Variants in XRCC4 observed in about 807,000 individuals in gnomAD.
The protein encoded by XRCC4 is DNA repair protein XRCC4.
A neutral mutation model predicts 39.1 loss-of-function variants in XRCC4; 28 were observed. The observed-to-expected ratio is 0.72, with a 90% CI of 0.53 to 0.98. The LOEUF (loss-of-function observed/expected upper bound fraction) is 0.98. Ranked by LOEUF, XRCC4 falls within the 50% of genes least tolerant of loss-of-function variation. The pLI, the probability that XRCC4 is intolerant of heterozygous loss-of-function variation, is 0.00. For missense variants in XRCC4, 350 were observed against 376.4 expected (o/e 0.93, Z 0.58); for synonymous variants, 123 against 126.4 (o/e 0.97, Z 0.18).
chr5:83,308,073 T>C (rs1297446346), intron 7 of XRCC4, among the ~76,000 whole-genome samples: 1 of 152,196 alleles, frequency 6.6e-6, no homozygotes, highest in African/African-American at 2.4e-5. Flanking sequence ...AAAAAGTTGT[T>C]AAATGAGAGA....
intron 6 of XRCC4, 104 bp downstream of exon 6, chr5:83,205,025 C>T: frequency 1.4e-6 from 1 of 736,816 alleles, no homozygotes; most frequent in Admixed American, 2.9e-5. Flanking sequence ...AGACCTTATT[C>T]TATGAAAATT....
chr5:83,113,687 C>T (rs1746559430), intron 3 of XRCC4, among the ~76,000 whole-genome samples: 7 of 151,392 alleles, frequency 4.6e-5, no homozygotes, highest in South Asian at 4.2e-4. Flanking sequence ...ATGGCGTGAT[C>T]TCCATCTCCA....
intron 1 of XRCC4, among the ~76,000 whole-genome samples, chr5:83,079,664 C>G (rs1561310052): frequency 6.6e-6 from 1 of 152,056 alleles, no homozygotes; most frequent in Non-Finnish European, 1.5e-5. Context: ...TCCCCAGTAA[C>G]CGGGACCATG....
At chr5:83,142,175 A>C (rs1434207154) in intron 3 of XRCC4, among the ~76,000 whole-genome samples, 1 of 152,128 alleles carries the variant, frequency 6.6e-6, no homozygotes, top group Non-Finnish European at 1.5e-5. Context: ...TTCTGTGCTT[A>C]ATAATGAAAG....
chr5:83,276,382 G>T (rs28473158), intron 7 of XRCC4, among the ~76,000 whole-genome samples: 4 of 149,444 alleles, frequency 2.7e-5, no homozygotes, highest in African/African-American at 9.7e-5. Flanking sequence ...ATTGAGAGGT[G>T]AGACCTTTAA....
chr5:83,169,409 T>C (rs28360095), intron 3 of XRCC4, among the ~76,000 whole-genome samples: 3,991 of 152,318 alleles, frequency 0.026, 79 homozygotes, highest in Admixed American at 0.041. Context: ...TCTTTTAGTA[T>C]TTGATTTAGG....
intron 3 of XRCC4, among the ~76,000 whole-genome samples, chr5:83,169,474 G>A (rs751522388): frequency 7.9e-5 from 12 of 152,122 alleles, no homozygotes; most frequent in Non-Finnish European, 1.0e-4. Context: ...AGAGAAGAAA[G>A]TTGACCTGAA....
intron 6 of XRCC4, among the ~76,000 whole-genome samples, chr5:83,232,245 G>A (rs1397926868): frequency 2.0e-5 from 3 of 151,924 alleles, no homozygotes; most frequent in South Asian, 2.1e-4. Flanking sequence ...CTAATAAATC[G>A]TGTAAAGTTC....
intron 3 of XRCC4, among the ~76,000 whole-genome samples, chr5:83,116,018 TC>T (rs1205957713): frequency 8.5e-5 from 13 of 152,176 alleles, no homozygotes; most frequent in Admixed American, 8.5e-4. Context: ...ATGGGAGTCT[TC>T]CAGTATTCAG....
At chr5:83,106,011 T>C (rs572857780) in intron 2 of XRCC4, among the ~76,000 whole-genome samples, 4 of 152,180 alleles carry the variant, frequency 2.6e-5, no homozygotes, top group East Asian at 1.9e-4. Context: ...AAAAAAATTG[T>C]CTTTTTTGAC....
intron 7 of XRCC4, chr5:83,280,190 G>A (rs1030812447): frequency 1.1e-5 from 3 of 269,840 alleles, no homozygotes; most frequent in Non-Finnish European, 2.3e-5. Context: ...TTTCCAAAAT[G>A]AGGTTTCACC....
chr5:83,349,771 G>A (rs1290513732), intron 7 of XRCC4, among the ~76,000 whole-genome samples: 1 of 152,004 alleles, frequency 6.6e-6, no homozygotes, highest in Non-Finnish European at 1.5e-5. Flanking sequence ...TATGATTTCA[G>A]CTTTTATTTT....
intron 3 of XRCC4, among the ~76,000 whole-genome samples, chr5:83,193,392 T>C (rs183669776): frequency 6.6e-6 from 1 of 152,340 alleles, no homozygotes; most frequent in East Asian, 1.9e-4. Context: ...ATTGAAGGAC[T>C]AGAAACTGGT....
chr5:83,363,709 T>C, the XRCC4 span, among the ~76,000 whole-genome samples: 11 of 152,210 alleles, frequency 7.2e-5, no homozygotes, highest in African/African-American at 2.7e-4. Flanking sequence ...TGGGCTTTGA[T>C]ATAAGCAGAA....
At chr5:83,191,896 A>G (rs7707517) in intron 3 of XRCC4, among the ~76,000 whole-genome samples, 2,376 of 152,212 alleles carry the variant, frequency 0.016, 83 homozygotes, top group African/African-American at 0.054. Context: ...GTGAAGACCA[A>G]CTAATACATA....
At chr5:83,125,652 C>G (rs1452006429) in intron 3 of XRCC4, among the ~76,000 whole-genome samples, 2 of 152,160 alleles carry the variant, frequency 1.3e-5, no homozygotes, top group Non-Finnish European at 2.9e-5. Context: ...CCTCCACCAA[C>G]ACCACACTGT....
chr5:83,098,143 A>C (rs575209697), intron 1 of XRCC4, among the ~76,000 whole-genome samples: 1 of 152,238 alleles, frequency 6.6e-6, no homozygotes, highest in African/African-American at 2.4e-5. Context: ...TTGGAATGGC[A>C]GCAACTGGCA....
At chr5:83,195,958 G>C (rs1456380884) in intron 4 of XRCC4, 22 bp downstream of exon 4, 1 of 1,537,690 alleles carries the variant, frequency 6.5e-7, no homozygotes, top group South Asian at 1.3e-5. Context: ...GTTTGCTTGT[G>C]GTATAAAAAT....
intron 7 of XRCC4, among the ~76,000 whole-genome samples, chr5:83,262,205 G>C (rs1040233558): frequency 6.6e-5 from 10 of 152,140 alleles, no homozygotes; most frequent in Non-Finnish European, 1.5e-5. Flanking sequence ...GGCTCATAAA[G>C]ATATAGTTCT....
Sources: allele counts gnomAD v4.1 joint callset (sites outside exome capture counted in the v4.1 genomes callset), GRCh38; gene constraint gnomAD v4.1.1; transcripts MANE v1.5; gene names NCBI Gene and HGNC (gene_info 2026-07-23, HGNC 2026-07-21).